The following GMDS variants were observed in gnomAD, a reference collection of about 807,000 sequenced individuals.
GMDS encodes GDP-mannose 4,6 dehydratase.
In GMDS, 20 loss-of-function variants were observed where a neutral mutation model predicts 49.9. That is an observed-to-expected ratio of 0.40 (90% CI 0.28 to 0.58). The LOEUF (loss-of-function observed/expected upper bound fraction) is 0.58, where lower values mean the gene tolerates loss of function less well. Ranked by LOEUF, GMDS falls within the 20% of genes least tolerant of loss-of-function variation. The pLI is 0.42. For missense variants in GMDS, 362 were observed against 481.4 expected (o/e 0.75, Z 2.32); for synonymous variants, 177 against 178.6 (o/e 0.99, Z 0.07).
intron 1 of GMDS, among the ~76,000 whole-genome samples, chr6:2,153,111 C>T (rs1415542841): frequency 1.3e-5 from 2 of 152,082 alleles, no homozygotes; most frequent in South Asian, 2.1e-4. Flanking sequence ...AATCAATGGA[C>T]TATTCAATAA....
chr6:1,675,276 A>G (rs988970712), intron 9 of GMDS, among the ~76,000 whole-genome samples: 2 of 151,432 alleles, frequency 1.3e-5, no homozygotes, highest in African/African-American at 4.9e-5. Flanking sequence ...ACTGTTGTAT[A>G]TTAAACTTGT....
intron 9 of GMDS, among the ~76,000 whole-genome samples, chr6:1,645,151 G>T (rs955364999): frequency 6.6e-6 from 1 of 151,906 alleles, no homozygotes. Flanking sequence ...GGTCAGGCTG[G>T]TCTCGAACTC....
At chr6:1,638,487 G>C (rs1231524989) in intron 9 of GMDS, among the ~76,000 whole-genome samples, 1 of 152,040 alleles carries the variant, frequency 6.6e-6, no homozygotes, top group Non-Finnish European at 1.5e-5. Context: ...CTGGCTGTGT[G>C]CCCATGGATT....
At chr6:2,196,138 T>C (rs1016367799) in intron 1 of GMDS, among the ~76,000 whole-genome samples, 3 of 152,208 alleles carry the variant, frequency 2.0e-5, no homozygotes, top group African/African-American at 4.8e-5. Flanking sequence ...CATTCTAAGA[T>C]TGTGTAAAAA....
chr6:1,845,648 G>A (rs1005392456), intron 7 of GMDS, among the ~76,000 whole-genome samples: 2 of 152,102 alleles, frequency 1.3e-5, no homozygotes, highest in South Asian at 2.1e-4. Flanking sequence ...ATTTTTCCAC[G>A]GACTGGGGGT....
intron 4 of GMDS, among the ~76,000 whole-genome samples, chr6:2,004,251 G>A (rs1391834515): frequency 2.0e-5 from 3 of 152,172 alleles, no homozygotes; most frequent in African/African-American, 7.2e-5. Flanking sequence ...TAAAAGGAGT[G>A]ATACAGATTT....
At chr6:2,228,893 G>A (rs1306267555) in intron 1 of GMDS, among the ~76,000 whole-genome samples, 1 of 152,184 alleles carries the variant, frequency 6.6e-6, no homozygotes, top group East Asian at 1.9e-4. Flanking sequence ...GTCGACAATG[G>A]GGCAATGGAA....
At chr6:1,941,367 T>C (rs1762817404) in intron 6 of GMDS, among the ~76,000 whole-genome samples, 1 of 144,364 alleles carries the variant, frequency 6.9e-6, no homozygotes, top group Non-Finnish European at 1.5e-5. Context: ...ACTGATGCTA[T>C]AATGTTTACA....
In GMDS at chr6:2,200,065, A is replaced by G. The variant is rs577000629; in HGVS notation, c.102+45256T>C. On this transcript the variant is annotated intron_variant, in intron 1 of 10. Coordinates refer to ENST00000380815, the MANE Select transcript of GMDS (RefSeq NM_001500.4). Reference sequence around the variant, plus strand: ...GTACAAATAGCTCTAGAATATATTCATTCATTTATTAAACAAATATTTATT... The same window carrying G: ...GTACAAATAGCTCTAGAATATATTCGTTCATTTATTAAACAAATATTTATT... Among the ~76,000 whole-genome samples, 31 of 152,326 alleles carry G rather than the reference A, an allele frequency of 2.0e-4. No individual in the cohort carries two copies. The South Asian group carries it at 5.8e-3, about 29-fold the overall frequency.
At chr6:1,767,715 C>T (rs1768412903) in intron 7 of GMDS, among the ~76,000 whole-genome samples, 2 of 152,222 alleles carry the variant, frequency 1.3e-5, no homozygotes, top group Non-Finnish European at 2.9e-5. Context: ...TTTAATTCTC[C>T]TCATCCCTTC....
chr6:1,706,596 C>T (rs188052504), intron 9 of GMDS, among the ~76,000 whole-genome samples: 42 of 152,322 alleles, frequency 2.8e-4, no homozygotes, highest in African/African-American at 8.9e-4. Context: ...GAGAACCCCT[C>T]GCAGGCCCAT....
intron 7 of GMDS, among the ~76,000 whole-genome samples, chr6:1,783,084 G>A (rs1769177206): frequency 6.6e-6 from 1 of 152,198 alleles, no homozygotes; most frequent in Non-Finnish European, 1.5e-5. Flanking sequence ...GAGCCTGGGA[G>A]GTCAAGGCTG....
chr6:2,110,406 G>A (rs189596592), intron 4 of GMDS, among the ~76,000 whole-genome samples: 201 of 152,140 alleles, frequency 1.3e-3, no homozygotes, highest in South Asian at 3.1e-3. Flanking sequence ...CCTTTCCCAG[G>A]GGCCACAGAT....
chr6:1,936,629 G>A (rs140527928), intron 6 of GMDS, among the ~76,000 whole-genome samples: 13 of 152,200 alleles, frequency 8.5e-5, no homozygotes, highest in African/African-American at 2.6e-4. Context: ...ACACCACAAC[G>A]TTTAGGTCAA....
At chr6:1,720,145 G>T (rs1048946000) in intron 9 of GMDS, among the ~76,000 whole-genome samples, 2 of 152,076 alleles carry the variant, frequency 1.3e-5, no homozygotes, top group Admixed American at 6.5e-5. Context: ...AATAAGAAAA[G>T]AAACTTCAAG....
intron 7 of GMDS, among the ~76,000 whole-genome samples, chr6:1,910,991 T>C (rs1761023751): frequency 6.6e-6 from 1 of 152,182 alleles, no homozygotes; most frequent in Non-Finnish European, 1.5e-5. Context: ...GTTCACTTCA[T>C]TTCCCAAGGT....
intron 1 of GMDS, among the ~76,000 whole-genome samples, chr6:2,188,340 A>G (rs1443172364): frequency 6.6e-6 from 1 of 152,228 alleles, no homozygotes; most frequent in African/African-American, 2.4e-5. Flanking sequence ...GTAATTTAGC[A>G]CTGCCTATAA....
chr6:2,039,360 T>C lies in GMDS; in HGVS notation c.345+76411A>G, dbSNP rs148473849. ...ACTTCATGAACTTTATGGACTAATA[T>C]GGACTTTATGAGCACTGTACACTTA... On this transcript the variant is annotated intron_variant, in intron 4 of 10. Transcript: ENST00000380815. Among the ~76,000 whole-genome samples the C allele has an allele frequency of 1.4e-3, 214 of 152,286 alleles. 1 individual carries two copies. Among genetic ancestry groups the C allele is most frequent in the African/African-American group, 4.9e-3 (204 of 41,576 alleles).
chr6:1,968,560 T>G (rs944552394), intron 4 of GMDS, among the ~76,000 whole-genome samples: 2 of 152,156 alleles, frequency 1.3e-5, no homozygotes, highest in Non-Finnish European at 2.9e-5. Context: ...GCCTTGGTCC[T>G]GAGTCTCTCA....
Sources: gnomAD v4.1 joint callset for allele counts (sites outside exome capture counted in the v4.1 genomes callset) on GRCh38, gnomAD v4.1.1 for gene constraint, MANE v1.5 for transcripts, NCBI Gene and HGNC (gene_info 2026-07-23, HGNC 2026-07-21) for gene names.